The following EDRF1 variants were observed in gnomAD, a reference collection of about 807,000 sequenced individuals.
EDRF1 encodes the protein erythroid differentiation regulatory factor 1, also known as erythroid differentiation-related factor 1.
EDRF1 carries 69 observed loss-of-function variants against 148.7 expected under a neutral mutation model. That is an observed-to-expected ratio of 0.46 (90% CI 0.38 to 0.57). The LOEUF is 0.57. Among genes scored for constraint, EDRF1 ranks in the 20% least tolerant of loss-of-function variants. EDRF1 has a pLI of 0.00. For synonymous variants in EDRF1, 515 were observed against 532.8 expected, an observed-to-expected ratio of 0.97 and a Z score of 0.46; for missense variants, 1,118 against 1,478.7, an observed-to-expected ratio of 0.76 and a Z score of 4.00.
intron 15 of EDRF1, 110 bp downstream of exon 15, chr10:125,738,555 A>T: frequency 7.6e-7 from 1 of 1,321,540 alleles, no homozygotes; most frequent in Non-Finnish European, 1.1e-6. Context: ...ATTGAGAAAA[A>T]GATATCCTGT....
intron 12 of EDRF1, among the ~76,000 whole-genome samples, chr10:125,734,952 C>G (rs530819862): frequency 6.6e-6 from 1 of 152,234 alleles, no homozygotes; most frequent in South Asian, 2.1e-4. Context: ...TCCTAGAGAC[C>G]AAACTCAGAA....
At chr10:125,741,452 G>T (rs1277712387) in intron 17 of EDRF1, 3 of 478,270 alleles carry the variant, frequency 6.3e-6, no homozygotes, top group Non-Finnish European at 1.2e-5. Context: ...CAAGTAGCTG[G>T]AATTACAGGC....
At chr10:125,736,771 T>C (rs1475189108) in intron 13 of EDRF1, among the ~76,000 whole-genome samples, 2 of 151,846 alleles carry the variant, frequency 1.3e-5, no homozygotes, top group Non-Finnish European at 2.9e-5. Flanking sequence ...TGCTTCTGCT[T>C]GGAATGTACC....
At chr10:125,737,725 C>G (rs1404479547) in intron 13 of EDRF1, among the ~76,000 whole-genome samples, 193 bp from the exon 14 acceptor site, 1 of 152,170 alleles carries the variant, frequency 6.6e-6, no homozygotes, top group Admixed American at 6.6e-5. Flanking sequence ...CATTACTACT[C>G]TAGTTCTTGC....
At chr10:125,743,321 A>G (rs1012263454) in intron 18 of EDRF1, 45 bp downstream of exon 18, 8 of 1,533,170 alleles carry the variant, frequency 5.2e-6, no homozygotes, top group Admixed American at 1.7e-5. Context: ...TTCTCTCAGA[A>G]AATTATGCTA....
chr10:125,755,027 T>C (rs1325248304), intron 24 of EDRF1, among the ~76,000 whole-genome samples: 1 of 152,168 alleles, frequency 6.6e-6, no homozygotes, highest in Non-Finnish European at 1.5e-5. Flanking sequence ...CTCCAAGAAT[T>C]CCCTCCTGCT....
intron 18 of EDRF1, among the ~76,000 whole-genome samples, chr10:125,745,041 T>A (rs1849270336): frequency 6.6e-6 from 1 of 152,210 alleles, no homozygotes; most frequent in Non-Finnish European, 1.5e-5. Context: ...AACAGTCATC[T>A]GATAACCCAG....
chr10:125,738,572 G>A (rs1848852206), intron 15 of EDRF1, 127 bp downstream of exon 15: 2 of 1,085,118 alleles, frequency 1.8e-6, no homozygotes, highest in African/African-American at 3.2e-5. Context: ...CTGTGAACTG[G>A]AATTAGGGGT....
At chr10:125,725,902 G>T in intron 6 of EDRF1, 64 bp downstream of exon 6, 4 of 1,456,960 alleles carry the variant, frequency 2.7e-6, no homozygotes, top group South Asian at 1.2e-5. Flanking sequence ...TTAACATCTC[G>T]TTAAAAAAAA....
At chr10:125,736,933 G>A (rs1214581258) in intron 13 of EDRF1, among the ~76,000 whole-genome samples, 1 of 151,918 alleles carries the variant, frequency 6.6e-6, no homozygotes, top group African/African-American at 2.4e-5. Flanking sequence ...AGTTCTTAAT[G>A]TTTGTCTTGC....
intron 9 of EDRF1, among the ~76,000 whole-genome samples, 188 bp downstream of exon 9, chr10:125,730,587 T>C (rs775359851): frequency 6.6e-6 from 1 of 152,186 alleles, no homozygotes; most frequent in Non-Finnish European, 1.5e-5. Context: ...GAAGTATAAT[T>C]TTACAGGTAA....
intron 15 of EDRF1, among the ~76,000 whole-genome samples, chr10:125,739,248 T>C (rs966564345): frequency 6.6e-6 from 1 of 152,234 alleles, no homozygotes; most frequent in Non-Finnish European, 1.5e-5. Context: ...ATAGATTTAT[T>C]TCCCCAGCAT....
In EDRF1 at chr10:125,719,734, A is replaced by G. The variant is rs1283735768; in HGVS notation, c.-74A>G. 2.6e-5 allele frequency: 31 copies of G among 1,214,318 alleles called. No individual in the cohort carries two copies. Among genetic ancestry groups the G allele is most frequent in the South Asian group, 5.7e-5 (4 of 70,590 alleles). 75.2% of individuals were successfully genotyped at this position (1,214,318 alleles called of 1,614,324 possible). A position where few individuals can be genotyped will look rare whatever the true frequency, so the allele number is the denominator to read the frequency against. On this transcript the variant is annotated 5_prime_UTR_variant, in exon 1 of 25. Transcript: ENST00000356792. Reference sequence around the variant, plus strand: ...GGTCCGCGGAGCGTCTCTGGCGCTTACCCTGCTTTGGGCCTGCGTTGCTGC... The same window carrying G: ...GGTCCGCGGAGCGTCTCTGGCGCTTGCCCTGCTTTGGGCCTGCGTTGCTGC...
At chr10:125,738,605 A>G (rs1482985535) in intron 15 of EDRF1, among the ~76,000 whole-genome samples, 160 bp downstream of exon 15, 2 of 152,226 alleles carry the variant, frequency 1.3e-5, no homozygotes, top group African/African-American at 2.4e-5. Flanking sequence ...TTTGAAATAT[A>G]AAAAGGATAA....
rs376213703 is a variant in EDRF1, at chr10:125,733,452, A to G, written c.1177A>G (p.Asn393Asp). 19 of 1,592,688 alleles carry G rather than the reference A, an allele frequency of 1.2e-5. No homozygotes were observed. Among genetic ancestry groups the G allele is most frequent in the Non-Finnish European group, 1.5e-5 (18 of 1,162,718 alleles). The change falls in exon 10 of 25, where the codon AAT becomes GAT. Residue 393 changes from asparagine (N) to aspartate (D), a missense_variant. By Grantham distance (23) the Asn-to-Asp change is conservative. This residue lies in a region of EDRF1 where 954 missense variants were observed against 1,241.4 expected (regional missense o/e 0.77). Coordinates refer to ENST00000356792, the MANE Select transcript of EDRF1 (RefSeq NM_001202438.2). ...AGAAATTCCCAATTTGGAAAATTCT[A>G]ATTTTTCTACTAAAGTCATAAAAGA... ...TEEIPNLENS[N>D]FSTKVIKDIA...
chr10:125,730,547 G>A, intron 9 of EDRF1, 148 bp downstream of exon 9: 2 of 706,412 alleles, frequency 2.8e-6, no homozygotes, highest in Non-Finnish European at 5.2e-6. Flanking sequence ...GTACATTTAA[G>A]TTGGTGATAA....
chr10:125,728,381 C>T (rs1226143708), intron 6 of EDRF1, among the ~76,000 whole-genome samples: 3 of 152,056 alleles, frequency 2.0e-5, no homozygotes, highest in African/African-American at 7.2e-5. Context: ...ACCTGGTAAA[C>T]GTCATCTTTC....
intron 19 of EDRF1, 94 bp downstream of exon 19, chr10:125,746,024 ATAAT>A (rs1849337101): frequency 8.8e-7 from 1 of 1,137,284 alleles, no homozygotes; most frequent in South Asian, 1.3e-5. Context: ...AAAACTAAAA[ATAAT>A]TAAACTCTGC....
intron 11 of EDRF1, 49 bp from the exon 12 acceptor site, chr10:125,734,023 C>A: frequency 7.0e-7 from 1 of 1,429,262 alleles, no homozygotes; most frequent in Non-Finnish European, 9.9e-7. Flanking sequence ...TTGAGTCTTG[C>A]AGACAACGAT....
Sources: gnomAD v4.1 joint callset for allele counts (sites outside exome capture counted in the v4.1 genomes callset) on GRCh38, gnomAD v4.1.1 for gene constraint, gnomAD v4.1.1 regional missense constraint, MANE v1.5 for transcripts, NCBI Gene and HGNC (gene_info 2026-07-23, HGNC 2026-07-21) for gene names.